Variants in LGSN observed in about 807,000 individuals in gnomAD.
LGSN encodes lengsin, lens protein with glutamine synthetase domain.
A neutral mutation model predicts 19.5 loss-of-function variants in LGSN; 21 were observed. The observed-to-expected ratio is 1.07, with a 90% CI of 0.76 to 1.55. The LOEUF (loss-of-function observed/expected upper bound fraction) is 1.55. LGSN is among the 40% of genes most tolerant of loss of function. LGSN has a pLI of 0.00. For missense variants in LGSN, 673 were observed against 608.5 expected (o/e 1.11, Z -1.12); for synonymous variants, 257 against 215.6 (o/e 1.19, Z -1.68).
intron 3 of LGSN, 110 bp from the exon 4 acceptor site, chr6:63,281,330 T>TAAATATATATATATATATATATATATAA (rs1554170061): frequency 3.3e-5 from 5 of 149,520 alleles, no homozygotes; most frequent in African/African-American, 1.4e-4. Context: ...TATATATATA[T>TAAATATATATATATATATATATATATAA]AATAAATATA....
chr6:63,431,260 T>C, the LGSN span, among the ~76,000 whole-genome samples: 1 of 152,186 alleles, frequency 6.6e-6, no homozygotes, highest in Admixed American at 6.5e-5. Flanking sequence ...GTTTTCTGAC[T>C]CCACATTCAG....
intron 2 of LGSN, among the ~76,000 whole-genome samples, chr6:63,287,726 T>C (rs188074424): frequency 1.1e-3 from 171 of 152,002 alleles, no homozygotes; most frequent in African/African-American, 3.1e-3. Flanking sequence ...AATAATAATA[T>C]GGAAATTTTT....
the LGSN span, among the ~76,000 whole-genome samples, chr6:63,545,265 T>C: frequency 6.6e-6 from 1 of 152,232 alleles, no homozygotes. Flanking sequence ...TGTCTTTTCC[T>C]TCTGCCTTTG....
At chr6:63,450,269 G>A in the LGSN span, among the ~76,000 whole-genome samples, 1 of 151,834 alleles carries the variant, frequency 6.6e-6, no homozygotes, top group Non-Finnish European at 1.5e-5. Context: ...GGCTGAGGCA[G>A]GAGAATCGCT....
the LGSN span, among the ~76,000 whole-genome samples, chr6:63,347,187 A>C: frequency 1.3e-5 from 2 of 152,200 alleles, no homozygotes; most frequent in African/African-American, 2.4e-5. Flanking sequence ...TGAGGAACTG[A>C]GAATGAGTGG....
the LGSN span, among the ~76,000 whole-genome samples, chr6:63,502,928 C>T: frequency 6.6e-6 from 1 of 152,174 alleles, no homozygotes; most frequent in African/African-American, 2.4e-5. Context: ...ATGCTCTATG[C>T]TCATCAGTAA....
the LGSN span, among the ~76,000 whole-genome samples, chr6:63,461,172 T>G: frequency 1.3e-5 from 2 of 152,124 alleles, no homozygotes; most frequent in East Asian, 3.9e-4. Context: ...GGCTCAAGCC[T>G]CCCGAGTAGC....
the LGSN span, among the ~76,000 whole-genome samples, chr6:63,418,101 C>G: frequency 5.9e-5 from 9 of 152,222 alleles, no homozygotes; most frequent in African/African-American, 2.2e-4. Flanking sequence ...TGAGATAAGG[C>G]TAATTGCCTT....
At chr6:63,349,166 A>T in the LGSN span, among the ~76,000 whole-genome samples, 6 of 152,228 alleles carry the variant, frequency 3.9e-5, no homozygotes, top group Non-Finnish European at 2.9e-5. Flanking sequence ...CTTACATGCC[A>T]TAGGCTGCCC....
At chr6:63,429,316 T>A in the LGSN span, among the ~76,000 whole-genome samples, 2 of 152,208 alleles carry the variant, frequency 1.3e-5, no homozygotes, top group Non-Finnish European at 2.9e-5. Flanking sequence ...TTTTGGCTAT[T>A]TTTTAATAAG....
At chr6:63,391,081 T>A in the LGSN span, among the ~76,000 whole-genome samples, 2 of 152,184 alleles carry the variant, frequency 1.3e-5, no homozygotes, top group African/African-American at 4.8e-5. Context: ...TTATCAGATC[T>A]CAAATAGCTC....
rs991731317 is a variant in LGSN, at chr6:63,303,615, A to C, written c.31-8570T>G. Among the ~76,000 whole-genome samples, 4 of 152,162 alleles carry C rather than the reference A, an allele frequency of 2.6e-5. No individual in the cohort carries two copies. In the East Asian group the frequency reaches 7.7e-4, roughly 29 times the overall value. ...GAACCTTATGTATCTTCTGCACCTA[A>C]ATTCTTATATGACTAAATGCTACAA... On this transcript the variant is annotated intron_variant, in intron 1 of 3. Coordinates refer to ENST00000370657, the MANE Select transcript of LGSN (RefSeq NM_016571.3).
chr6:63,306,732 G>A (rs1340530965), intron 1 of LGSN, among the ~76,000 whole-genome samples: 4 of 152,190 alleles, frequency 2.6e-5, no homozygotes, highest in Non-Finnish European at 4.4e-5. Context: ...ACAATGGGCT[G>A]GAGGGCGAAC....
the LGSN span, among the ~76,000 whole-genome samples, chr6:63,490,759 A>G: frequency 1.3e-5 from 2 of 152,068 alleles, no homozygotes; most frequent in Non-Finnish European, 2.9e-5. Flanking sequence ...TATCATGCCT[A>G]TGGAGGCTGA....
At chr6:63,282,865 T>A (rs1046373347) in intron 3 of LGSN, among the ~76,000 whole-genome samples, 9 of 152,202 alleles carry the variant, frequency 5.9e-5, no homozygotes, top group Non-Finnish European at 4.4e-5. Context: ...CTTTAATTCA[T>A]ATTTTCACTA....
chr6:63,398,719 T>C, the LGSN span, among the ~76,000 whole-genome samples: 1 of 152,216 alleles, frequency 6.6e-6, no homozygotes, highest in Non-Finnish European at 1.5e-5. Context: ...CAGTAGTGTA[T>C]AGCAGTATCG....
chr6:63,434,604 C>CAAAAAAA, the LGSN span, among the ~76,000 whole-genome samples: 42 of 62,874 alleles, frequency 6.7e-4, no homozygotes, highest in South Asian at 1.2e-3. Context: ...ACTAAAAATT[C>CAAAAAAA]AAAAAAAAAA....
At chr6:63,447,254 T>C in the LGSN span, among the ~76,000 whole-genome samples, 2 of 152,282 alleles carry the variant, frequency 1.3e-5, no homozygotes, top group South Asian at 4.1e-4. Context: ...GGCTGGCATG[T>C]CTCTACCTCA....
At chr6:63,348,514 T>C in the LGSN span, among the ~76,000 whole-genome samples, 2 of 152,042 alleles carry the variant, frequency 1.3e-5, no homozygotes. Context: ...GTCTACGAGC[T>C]CTTGGTGCGC....
Sources: allele counts gnomAD v4.1 joint callset (sites outside exome capture counted in the v4.1 genomes callset), GRCh38; gene constraint gnomAD v4.1.1; transcripts MANE v1.5; gene names NCBI Gene and HGNC (gene_info 2026-07-23, HGNC 2026-07-21).